The following LRP2 variants were observed in gnomAD, a reference collection of about 807,000 sequenced individuals.
The protein encoded by LRP2 is LDL receptor related protein 2.
Under a neutral mutation model 531.0 loss-of-function variants are expected in LRP2, and 172 were observed. The observed-to-expected ratio is 0.32, with a 90% CI of 0.29 to 0.37. LRP2 has a LOEUF of 0.37. Among genes scored for constraint, LRP2 ranks in the 10% least tolerant of loss-of-function variants. The pLI, the probability that LRP2 is intolerant of heterozygous loss-of-function variation, is 1.00. For synonymous variants in LRP2, 1,992 were observed against 2,027.6 expected, an observed-to-expected ratio of 0.98 and a Z score of 0.47; for missense variants, 5,167 against 5,868.3, an observed-to-expected ratio of 0.88 and a Z score of 3.90.
intron 16 of LRP2, among the ~76,000 whole-genome samples, chr2:169,262,149 G>A (rs368157874): frequency 6.0e-5 from 9 of 149,608 alleles, no homozygotes; most frequent in East Asian, 6.0e-4. Flanking sequence ...TACTGAATGG[G>A]CAAAAACTGG....
rs1423576352 is a variant in LRP2 at position 169,154,743 on chromosome 2, A to C, written c.12152-140T>G. On this transcript the variant is annotated intron_variant, in intron 65 of 78. Transcript: ENST00000649046. ...AGGAATCTGACTATCTCTGTTAATCAATAAAGCTGACTCTCCAACTGGGTT... is the reference window on the plus strand; with the variant it reads ...AGGAATCTGACTATCTCTGTTAATCCATAAAGCTGACTCTCCAACTGGGTT... 7 of 764,232 alleles carry C rather than the reference A, an allele frequency of 9.2e-6. No individual in the cohort carries two copies. The East Asian group carries it at 1.9e-4, about 21-fold the overall frequency. The allele number at this position is 764,232 out of a possible 1,614,324, so 47.3% of individuals were successfully genotyped here.
At chr2:169,187,243 T>C (rs1687666085) in intron 49 of LRP2, among the ~76,000 whole-genome samples, 1 of 152,214 alleles carries the variant, frequency 6.6e-6, no homozygotes, top group Non-Finnish European at 1.5e-5. Context: ...TTAATTTTAA[T>C]GTTATTTCAT....
At chr2:169,325,993 A>C (rs1685038686) in intron 1 of LRP2, among the ~76,000 whole-genome samples, 1 of 152,192 alleles carries the variant, frequency 6.6e-6, no homozygotes, top group African/African-American at 2.4e-5. Context: ...TGCAAAAATA[A>C]ATGAATAAAT....
At chr2:169,155,432 G>T (rs902707856) in intron 65 of LRP2, among the ~76,000 whole-genome samples, 2 of 152,118 alleles carry the variant, frequency 1.3e-5, no homozygotes, top group African/African-American at 4.8e-5. Flanking sequence ...TGTTTTGAGG[G>T]TAAAATATGT....
intron 57 of LRP2, 145 bp from the exon 58 acceptor site, chr2:169,172,279 G>A (rs1402817152): frequency 6.6e-6 from 6 of 915,486 alleles, no homozygotes; most frequent in Non-Finnish European, 1.7e-6. Context: ...AACATTCATG[G>A]TCAACATTCC....
chr2:169,145,667 A>T, intron 70 of LRP2, 80 bp downstream of exon 70: 1 of 1,381,792 alleles, frequency 7.2e-7, no homozygotes, highest in South Asian at 1.2e-5. Flanking sequence ...ATCTACTGCC[A>T]TCTTCCAGCA....
chr2:169,344,700 C>T (rs1042042465), intron 1 of LRP2, among the ~76,000 whole-genome samples: 1 of 152,160 alleles, frequency 6.6e-6, no homozygotes, highest in African/African-American at 2.4e-5. Context: ...TAAAACAAGA[C>T]ATTAAGTGAC....
At chr2:169,176,318 C>T in intron 54 of LRP2, 93 bp downstream of exon 54, 1 of 1,455,792 alleles carries the variant, frequency 6.9e-7, no homozygotes, top group South Asian at 1.2e-5. Flanking sequence ...AAAATCTTGT[C>T]TCACTAGAAA....
At chr2:169,239,032 G>A (rs1315739469) in intron 26 of LRP2, among the ~76,000 whole-genome samples, 1 of 152,162 alleles carries the variant, frequency 6.6e-6, no homozygotes, top group Non-Finnish European at 1.5e-5. Context: ...CAGACCCCAT[G>A]CCCTGGACTC....
intron 61 of LRP2, among the ~76,000 whole-genome samples, chr2:169,167,508 G>C (rs1211404761): frequency 6.6e-6 from 1 of 152,150 alleles, no homozygotes; most frequent in East Asian, 1.9e-4. Context: ...TGAGGGGCCT[G>C]TTAATGTATA....
intron 1 of LRP2, among the ~76,000 whole-genome samples, chr2:169,338,213 A>C (rs1685458422): frequency 6.7e-6 from 1 of 150,292 alleles, no homozygotes; most frequent in Admixed American, 6.7e-5. Context: ...AAGAAAAGAA[A>C]GGAAGAAGGA....
rs145301652 is a variant in LRP2, at chr2:169,193,900, G to A, written c.8699-8C>T. ...ATGTTCGCTCAGAGTGACCTGAAAA[G>A]ATCAATAGCATTCTCAGTGAAAAAA... is the stretch of plus-strand genomic sequence containing the variant. On this transcript the variant is annotated splice_region_variant and splice_polypyrimidine_tract_variant and intron_variant, in intron 46 of 78. Coordinates refer to ENST00000649046, the MANE Select transcript of LRP2 (RefSeq NM_004525.3). 9,228 of 1,614,102 alleles carry A rather than the reference G, an allele frequency of 5.7e-3. 45 individuals carry two copies. Among genetic ancestry groups the A allele is most frequent in the Non-Finnish European group, 6.5e-3 (7,630 of 1,179,998 alleles).
intron 16 of LRP2, among the ~76,000 whole-genome samples, chr2:169,262,909 T>C (rs1238450742): frequency 6.6e-6 from 1 of 152,006 alleles, no homozygotes; most frequent in East Asian, 1.9e-4. Context: ...TATAGACCAA[T>C]GGAACAGAAC....
In LRP2 at chr2:169,206,691, G is replaced by T. The variant is rs751500159; in HGVS notation, c.7029C>A (p.Asn2343Lys). 5 of 1,614,042 alleles carry T rather than the reference G, an allele frequency of 3.1e-6. No homozygotes were observed. The highest frequency in any genetic ancestry group is 1.7e-5 in the Admixed American group (1 of 59,990). ...VQPRSPAEVN[N>K]NPCLENNGGC... ...CACCATTGTTTTCCAAGCAAGGGTTGTTGTTGACCTCTGCTGGTGACCGGG... is the reference window on the plus strand; with the variant it reads ...CACCATTGTTTTCCAAGCAAGGGTTTTTGTTGACCTCTGCTGGTGACCGGG... The change falls in exon 39 of 79, where the codon AAC becomes AAA. Residue 2343 changes from asparagine to lysine, a missense_variant. Coordinates refer to ENST00000649046, the MANE Select transcript of LRP2 (RefSeq NM_004525.3).
intron 1 of LRP2, among the ~76,000 whole-genome samples, chr2:169,328,139 G>T (rs1402467169): frequency 1.0e-4 from 14 of 139,884 alleles, no homozygotes; most frequent in African/African-American, 3.5e-4. Context: ...CCCCTACTGG[G>T]AAGTGAGGAG....
At chr2:169,150,131 A>G (rs1460949242) in intron 68 of LRP2, among the ~76,000 whole-genome samples, 1 of 152,208 alleles carries the variant, frequency 6.6e-6, no homozygotes, top group Non-Finnish European at 1.5e-5. Flanking sequence ...TGAGGGTATG[A>G]TTTAACATAT....
intron 56 of LRP2, among the ~76,000 whole-genome samples, chr2:169,173,578 G>A (rs1173332972): frequency 2.0e-5 from 3 of 152,106 alleles, no homozygotes; most frequent in Non-Finnish European, 2.9e-5. Context: ...CTGTAAAATG[G>A]AATTGGTTCA....
In LRP2 at chr2:169,176,579, G is replaced by A. The variant is rs143367996; in HGVS notation, c.10403C>T (p.Pro3468Leu). The A allele has an allele frequency of 1.5e-3, 2,344 of 1,614,014 alleles. 30 individuals carry two copies. In the African/African-American group the frequency reaches 0.023, roughly 16 times the overall value. Residue 3468 changes from proline to leucine, a missense_variant, in exon 54 of 79, where the codon CCC becomes CTC. By Grantham distance (98) the Pro-to-Leu change is moderately conservative. Transcript: ENST00000649046. The part of the protein sequence containing the change: ...HPYRQPIVSN[P>L]CGTNNGGCSH... ...ACAGCCACCATTGTTGGTACCACAG[G>A]GATTGCTCACTAGTGGAAAAGGAAG...
intron 1 of LRP2, 146 bp downstream of exon 1, chr2:169,362,175 C>A: frequency 1.6e-6 from 1 of 635,646 alleles, no homozygotes. Context: ...GCGAAGCAAC[C>A]TGAGCGCCCC....
Sources: allele counts gnomAD v4.1 joint callset (sites outside exome capture counted in the v4.1 genomes callset), GRCh38; gene constraint gnomAD v4.1.1; transcripts MANE v1.5; gene names NCBI Gene and HGNC (gene_info 2026-07-23, HGNC 2026-07-21).